The following ARHGAP32 variants were observed in gnomAD, a reference collection of about 807,000 sequenced individuals.
ARHGAP32 encodes the protein Rho GTPase activating protein 32.
A neutral mutation model predicts 186.5 loss-of-function variants in ARHGAP32; 51 were observed. The observed-to-expected ratio is 0.27, with a 90% confidence interval of 0.22 to 0.35. ARHGAP32 has a LOEUF of 0.35. ARHGAP32 is among the 10% of genes least tolerant of loss of function. The pLI, the probability that ARHGAP32 is intolerant of heterozygous loss-of-function variation, is 1.00. For missense variants in ARHGAP32, 2,186 were observed against 2,623.5 expected (o/e 0.83, Z 3.64); for synonymous variants, 950 against 964.3 (o/e 0.99, Z 0.27).
intron 11 of ARHGAP32, among the ~76,000 whole-genome samples, chr11:129,026,337 G>T (rs537731103): frequency 1.1e-4 from 16 of 152,286 alleles, no homozygotes; most frequent in African/African-American, 3.8e-4. Context: ...GTGCCATCTA[G>T]TGACTGTGTA....
At chr11:129,139,471 C>T (rs1333141347) in intron 2 of ARHGAP32, among the ~76,000 whole-genome samples, 3 of 152,068 alleles carry the variant, frequency 2.0e-5, no homozygotes, top group South Asian at 2.1e-4. Flanking sequence ...CAATTGATAT[C>T]GTTTGACTGT....
intron 10 of ARHGAP32, among the ~76,000 whole-genome samples, chr11:129,061,096 ATTT>A (rs1417516736): frequency 6.6e-6 from 1 of 152,150 alleles, no homozygotes; most frequent in East Asian, 1.9e-4. Context: ...CTAATAATTC[ATTT>A]TTATTTAATA....
chr11:129,234,798 T>C (rs1278575775), intron 1 of ARHGAP32, among the ~76,000 whole-genome samples: 2 of 152,102 alleles, frequency 1.3e-5, no homozygotes, highest in East Asian at 1.9e-4. Flanking sequence ...ACTAGGTTTT[T>C]AGCAACAAAA....
At chr11:129,086,708 C>A (rs1202602168) in intron 6 of ARHGAP32, among the ~76,000 whole-genome samples, 1 of 151,520 alleles carries the variant, frequency 6.6e-6, no homozygotes, top group African/African-American at 2.4e-5. Context: ...GTAGTCCCAG[C>A]TACTCAGAAG....
At chr11:129,030,584 A>G (rs1026810215) in intron 11 of ARHGAP32, 1 of 152,148 alleles carries the variant, frequency 6.6e-6, no homozygotes, top group African/African-American at 2.4e-5. Context: ...GAAAAAAAAA[A>G]GGTCTCAGCT....
intron 1 of ARHGAP32, among the ~76,000 whole-genome samples, chr11:129,218,911 AAGG>A (rs1944679149): frequency 6.6e-6 from 1 of 152,188 alleles, no homozygotes; most frequent in South Asian, 2.1e-4. Flanking sequence ...CATCTGTTGT[AAGG>A]AGGAGAAGAA....
intron 2 of ARHGAP32, among the ~76,000 whole-genome samples, chr11:129,134,745 T>A (rs958663394): frequency 4.6e-5 from 7 of 152,148 alleles, no homozygotes; most frequent in Non-Finnish European, 8.8e-5. Context: ...GGGAAGTGAT[T>A]ACATCATGAT....
At chr11:129,259,509 C>T (rs1271218588) in intron 1 of ARHGAP32, among the ~76,000 whole-genome samples, 3 of 151,844 alleles carry the variant, frequency 2.0e-5, no homozygotes, top group African/African-American at 7.3e-5. Flanking sequence ...TATTACTTCA[C>T]TCATTCATTT....
At chr11:129,218,310 T>C (rs553948818) in intron 1 of ARHGAP32, among the ~76,000 whole-genome samples, 51 of 152,278 alleles carry the variant, frequency 3.3e-4, no homozygotes, top group African/African-American at 1.1e-3. Context: ...CATGCCCTGG[T>C]CCTTCTATAC....
intron 1 of ARHGAP32, among the ~76,000 whole-genome samples, chr11:129,201,731 A>G (rs566714971): frequency 6.6e-6 from 1 of 152,332 alleles, no homozygotes; most frequent in Non-Finnish European, 1.5e-5. Context: ...CTGTAATTCC[A>G]GTACTTTGGG....
At chr11:129,186,681 A>C (rs2135544705) in intron 1 of ARHGAP32, among the ~76,000 whole-genome samples, 1 of 152,208 alleles carries the variant, frequency 6.6e-6, no homozygotes, top group East Asian at 1.9e-4. Flanking sequence ...AAATGTAATA[A>C]TCCGATTTAA....
intron 1 of ARHGAP32, among the ~76,000 whole-genome samples, chr11:129,201,213 T>G (rs560341381): frequency 6.6e-6 from 1 of 152,342 alleles, no homozygotes; most frequent in Non-Finnish European, 1.5e-5. Context: ...AAAATTCAAC[T>G]GACATGGTCT....
At chr11:129,004,535 T>C (rs533639394) in intron 11 of ARHGAP32, among the ~76,000 whole-genome samples, 14 of 152,242 alleles carry the variant, frequency 9.2e-5, no homozygotes, top group African/African-American at 2.9e-4. Flanking sequence ...TTGCTTGATA[T>C]TTCTGGGTGC....
At chr11:129,269,075 A>G (rs574255187) in intron 1 of ARHGAP32, among the ~76,000 whole-genome samples, 1 of 152,266 alleles carries the variant, frequency 6.6e-6, no homozygotes, top group East Asian at 1.9e-4. Flanking sequence ...GTTCGAGACC[A>G]GCCTGGGCAA....
chr11:129,217,787 A>T (rs1944664203), intron 1 of ARHGAP32, among the ~76,000 whole-genome samples: 1 of 152,234 alleles, frequency 6.6e-6, no homozygotes, highest in African/African-American at 2.4e-5. Flanking sequence ...AGAAATAGAC[A>T]TATACACGTC....
At chr11:128,991,996 C>A (rs1180202453) in intron 12 of ARHGAP32, among the ~76,000 whole-genome samples, 1 of 152,092 alleles carries the variant, frequency 6.6e-6, no homozygotes, top group African/African-American at 2.4e-5. Context: ...GAAAGCATTA[C>A]AGATACAGAC....
intron 17 of ARHGAP32, 82 bp downstream of exon 17, chr11:128,981,334 T>C (rs1945700647): frequency 3.5e-6 from 5 of 1,432,862 alleles, no homozygotes; most frequent in Non-Finnish European, 3.8e-6. Context: ...GTTTTTGTTG[T>C]TGCAATAAGA....
intron 11 of ARHGAP32, among the ~76,000 whole-genome samples, chr11:129,015,193 G>A (rs879535329): frequency 6.6e-6 from 1 of 152,106 alleles, no homozygotes; most frequent in Non-Finnish European, 1.5e-5. Flanking sequence ...AAAGCCTACT[G>A]GCTTAATGCT....
chr11:129,209,112 C>T (rs1449579262), intron 1 of ARHGAP32, among the ~76,000 whole-genome samples: 1 of 152,094 alleles, frequency 6.6e-6, no homozygotes. Flanking sequence ...AACATTTTTT[C>T]TCTGCCCCAA....
Sources: gnomAD v4.1 joint callset for allele counts (sites outside exome capture counted in the v4.1 genomes callset) on GRCh38, gnomAD v4.1.1 for gene constraint, MANE v1.5 for transcripts, NCBI Gene and HGNC (gene_info 2026-07-23, HGNC 2026-07-21) for gene names.